The following TPCN2 variants were observed in gnomAD, a reference collection of about 807,000 sequenced individuals.
TPCN2 encodes two pore channel protein 2.
TPCN2 carries 92 observed loss-of-function variants against 111.4 expected under a neutral mutation model. The observed-to-expected ratio is 0.83, with a 90% CI of 0.70 to 0.98. TPCN2 has a LOEUF of 0.98. Ranked by LOEUF, TPCN2 falls within the 50% of genes least tolerant of loss-of-function variation. The probability of loss-of-function intolerance (pLI) is 0.00; values close to 1 mark genes in which losing one functional copy is unlikely to be tolerated. For missense variants in TPCN2, 995 were observed against 980.1 expected (o/e 1.02, Z -0.20); for synonymous variants, 405 against 414.5 (o/e 0.98, Z 0.28).
chr11:69,049,213 G>C, intron 1 of TPCN2, 107 bp downstream of exon 1: 1 of 741,996 alleles, frequency 1.3e-6, no homozygotes, highest in African/African-American at 1.8e-5. Flanking sequence ...CCCCCACCAG[G>C]TTCGAGTCCG....
rs564279651 is a variant in TPCN2, at chr11:69,054,693, C to T, written c.175-28C>T. 19 of 1,611,724 alleles carry T rather than the reference C, an allele frequency of 1.2e-5. No homozygotes were observed. In the South Asian group the frequency reaches 2.1e-4, roughly 18 times the overall value. On this transcript the variant is annotated intron_variant, in intron 2 of 24. Transcript: ENST00000294309. Reference sequence around the variant, plus strand: ...CGGCCCACCCTGCATGCACCCATGTCATGCCTCATGTGACTTTTCGCTTGT... The same window carrying T: ...CGGCCCACCCTGCATGCACCCATGTTATGCCTCATGTGACTTTTCGCTTGT...
At chr11:69,050,786 C>T (rs926305289) in intron 1 of TPCN2, among the ~76,000 whole-genome samples, 2 of 152,196 alleles carry the variant, frequency 1.3e-5, no homozygotes, top group Non-Finnish European at 2.9e-5. Flanking sequence ...GCACAGGGCC[C>T]GGCGGGCTGG....
In TPCN2 at chr11:69,079,876, C is replaced by A; in HGVS notation, c.1582C>A (p.Pro528Thr). The change falls in exon 17 of 25, where the codon CCA becomes ACA. Residue 528 changes from proline to threonine, a missense_variant. Pro to Thr is a conservative substitution (Grantham distance 38). Coordinates refer to ENST00000294309, the MANE Select transcript of TPCN2 (RefSeq NM_139075.4). ...TCTGGCTGTGTACCGATTGCCACAC[C>A]CAGGCTGGTATGTGACTGGGCAGAA... is the stretch of plus-strand genomic sequence containing the variant. ...STLAVYRLPHPGWRPEMVGLL... is the reference protein window; with the variant it reads ...STLAVYRLPHTGWRPEMVGLL... The A allele has an allele frequency of 1.2e-6, 2 of 1,613,734 alleles. No homozygotes were observed. Among genetic ancestry groups the A allele is most frequent in the Non-Finnish European group, 1.7e-6 (2 of 1,179,922 alleles).
intron 7 of TPCN2, among the ~76,000 whole-genome samples, chr11:69,066,798 G>T (rs1284215775): frequency 6.6e-6 from 1 of 152,200 alleles, no homozygotes; most frequent in East Asian, 1.9e-4. Context: ...CCAGCTGGGG[G>T]GTCTGGAGGC....
At chr11:69,079,683 C>T in intron 16 of TPCN2, 151 bp from the exon 17 acceptor site, 1 of 646,240 alleles carries the variant, frequency 1.5e-6, no homozygotes, top group Non-Finnish European at 2.6e-6. Flanking sequence ...CATCTGGAAC[C>T]AACCCGTGGG....
chr11:69,070,026 C>CTTT (rs34320189), intron 8 of TPCN2, among the ~76,000 whole-genome samples: 1 of 143,926 alleles, frequency 6.9e-6, no homozygotes, highest in African/African-American at 2.6e-5. Flanking sequence ...TTCTTTCTTT[C>CTTT]TTTTTTTTTT....
chr11:69,059,860 C>T (rs1010135249), intron 5 of TPCN2, among the ~76,000 whole-genome samples: 1 of 152,238 alleles, frequency 6.6e-6, no homozygotes, highest in African/African-American at 2.4e-5. Context: ...TGGTACCTGG[C>T]CCTGCCTCTG....
intron 16 of TPCN2, chr11:69,079,505 G>A (rs1389320967): frequency 1.9e-5 from 6 of 307,998 alleles, no homozygotes; most frequent in Non-Finnish European, 3.0e-5. Context: ...TGAGAGTGAC[G>A]TTTGCTGTAG....
intron 7 of TPCN2, among the ~76,000 whole-genome samples, chr11:69,066,627 A>T (rs1458345224): frequency 6.6e-6 from 1 of 152,218 alleles, no homozygotes; most frequent in Non-Finnish European, 1.5e-5. Context: ...AGGTGCCTCC[A>T]TGCCAGGGCC....
intron 4 of TPCN2, 139 bp from the exon 5 acceptor site, chr11:69,057,439 T>G: frequency 1.3e-6 from 1 of 788,352 alleles, no homozygotes; most frequent in South Asian, 1.6e-5. Context: ...ACTGCTGCTC[T>G]GCGTCCCGTG....
In TPCN2 at chr11:69,061,739, G is replaced by A. The variant is rs1247977733; in HGVS notation, c.547-1145G>A. 9.9e-5 allele frequency among the ~76,000 whole-genome samples: 15 copies of A among 152,238 alleles called. No individual in the cohort carries two copies. In the East Asian group the frequency reaches 1.7e-3, roughly 18 times the overall value. On this transcript the variant is annotated intron_variant, in intron 5 of 24. Coordinates refer to ENST00000294309, the MANE Select transcript of TPCN2 (RefSeq NM_139075.4). The stretch of plus-strand genomic sequence containing the variant: ...GGAGCAGGGGAGTGAATGGAGGGGA[G>A]GGCAGGGAAACGTGGCATGATGGAA...
At chr11:69,051,138 G>C (rs181412470) in intron 1 of TPCN2, among the ~76,000 whole-genome samples, 1 of 152,270 alleles carries the variant, frequency 6.6e-6, no homozygotes, top group Non-Finnish European at 1.5e-5. Context: ...TCTTGCCAAC[G>C]GGTTGTGGTG....
intron 2 of TPCN2, 89 bp from the exon 3 acceptor site, chr11:69,054,632 T>TG: frequency 8.1e-7 from 1 of 1,238,372 alleles, no homozygotes; most frequent in Non-Finnish European, 1.2e-6. Context: ...GCCTGAGACT[T>TG]GGGCCTGTCT....
Position 69,089,740 on chromosome 11 carries a change from C to G in TPCN2, c.*1787C>G, listed in dbSNP as rs1394546573. On this transcript the variant is annotated 3_prime_UTR_variant, in exon 25 of 25. Transcript: ENST00000294309. ...GAATGAGTGGGGAGGTAGTGTGAAG[C>G]GATGCCAATATCCCATCCCTGTCAA... 1 of 152,244 alleles carries G rather than the reference C, an allele frequency of 6.6e-6. No homozygotes were observed. Among genetic ancestry groups the G allele is most frequent in the South Asian group, 2.1e-4 (1 of 4,826 alleles). 9.4% of individuals were successfully genotyped at this position (152,244 alleles called of 1,614,324 possible).
In TPCN2 at chr11:69,055,202, C is replaced by T; in HGVS notation, c.279C>T (p.Ile93=). 1.2e-6 allele frequency: 2 copies of T among 1,614,212 alleles called. No individual in the cohort carries two copies. The highest frequency in any genetic ancestry group is 1.7e-6 in the Non-Finnish European group (2 of 1,180,032). ...CTTTGAGCTTCACCATCTTCTTGATCCTGTTTTTGGCTTTTATCGAGACCC... is the reference window on the plus strand; with the variant it reads ...CTTTGAGCTTCACCATCTTCTTGATTCTGTTTTTGGCTTTTATCGAGACCC... ...QRTLSFTIFL[I]LFLAFIETPS... Residue 93 remains isoleucine (I), a synonymous_variant, in exon 4 of 25, where the codon ATC becomes ATT. Coordinates refer to ENST00000294309, the MANE Select transcript of TPCN2 (RefSeq NM_139075.4).
In TPCN2 at chr11:69,088,073, C is replaced by A; in HGVS notation, c.*120C>A. 1.2e-6 allele frequency: 1 copy of A among 811,968 alleles called. No individual in the cohort carries two copies. The highest frequency in any genetic ancestry group is 1.9e-6 in the Non-Finnish European group (1 of 524,102). 50.3% of individuals were successfully genotyped at this position (811,968 alleles called of 1,614,324 possible). On this transcript the variant is annotated 3_prime_UTR_variant, in exon 25 of 25. Coordinates refer to ENST00000294309, the MANE Select transcript of TPCN2 (RefSeq NM_139075.4). ...AGGCAGGAAGAGACCTTTCCTCTGA[C>A]GGACCACTAAGCTGGGGACAGGAAC...
At chr11:69,073,600 G>C (rs1855630281) in intron 13 of TPCN2, among the ~76,000 whole-genome samples, 1 of 152,250 alleles carries the variant, frequency 6.6e-6, no homozygotes, top group East Asian at 1.9e-4. Flanking sequence ...TCAGGCTCCT[G>C]GGACGGCACC....
Position 69,070,606 on chromosome 11 carries a change from C to T in TPCN2, c.895+111C>T, listed in dbSNP as rs1234358625. 5.0e-6 allele frequency: 4 copies of T among 803,642 alleles called. No homozygotes were observed. The East Asian group carries it at 7.9e-5, about 16-fold the overall frequency. The allele number at this position is 803,642 out of a possible 1,614,324, so 49.8% of individuals were successfully genotyped here. ...AACTTCACATCCGTGTTTTTCACTC[C>T]AGAGATCACCCCAGGGATCCCCTGC... On this transcript the variant is annotated intron_variant, in intron 9 of 24. Coordinates refer to ENST00000294309, the MANE Select transcript of TPCN2 (RefSeq NM_139075.4).
chr11:69,076,482 A>T (rs1466481750), intron 13 of TPCN2, among the ~76,000 whole-genome samples: 1 of 152,006 alleles, frequency 6.6e-6, no homozygotes, highest in African/African-American at 2.4e-5. Flanking sequence ...GCGTGTCCAG[A>T]TGTGCTTAAC....
Sources: gnomAD v4.1 joint callset for allele counts (sites outside exome capture counted in the v4.1 genomes callset) on GRCh38, gnomAD v4.1.1 for gene constraint, MANE v1.5 for transcripts, NCBI Gene and HGNC (gene_info 2026-07-23, HGNC 2026-07-21) for gene names.